The following AKAP7 variants were observed in gnomAD, a reference collection of about 807,000 sequenced individuals.
AKAP7 encodes the protein A-kinase anchoring protein 7.
In AKAP7, 39 loss-of-function variants were observed where a neutral mutation model predicts 39.5. That is an observed-to-expected ratio of 0.99 (90% CI 0.76 to 1.29). The LOEUF is 1.29. AKAP7 is among the 50% of genes most tolerant of loss of function. The probability of loss-of-function intolerance (pLI) is 0.00; values close to 1 mark genes in which losing one functional copy is unlikely to be tolerated. For missense variants in AKAP7, 414 were observed against 407.7 expected (o/e 1.02, Z -0.13); for synonymous variants, 140 against 139.1 (o/e 1.01, Z -0.05).
chr6:131,255,150 C>T (rs2128322005), intron 7 of AKAP7, among the ~76,000 whole-genome samples: 1 of 152,308 alleles, frequency 6.6e-6, no homozygotes, highest in South Asian at 2.1e-4. Context: ...GGTTACCTTT[C>T]ACATGTCTGC....
chr6:131,267,403 C>T (rs771605281), intron 7 of AKAP7, among the ~76,000 whole-genome samples: 2 of 152,168 alleles, frequency 1.3e-5, no homozygotes, highest in South Asian at 2.1e-4. Flanking sequence ...TTTTCTTTAG[C>T]GTTATACTTC....
At chr6:131,235,818 C>T (rs1811002789) in intron 7 of AKAP7, among the ~76,000 whole-genome samples, 1 of 152,096 alleles carries the variant, frequency 6.6e-6, no homozygotes, top group Non-Finnish European at 1.5e-5. Flanking sequence ...AGCCCTTTGT[C>T]AGATGAGTAG....
chr6:131,237,893 G>A (rs1713428989), intron 7 of AKAP7, among the ~76,000 whole-genome samples: 1 of 152,028 alleles, frequency 6.6e-6, no homozygotes, highest in Non-Finnish European at 1.5e-5. Context: ...GGGTTTTTGT[G>A]TCTCTATTTC....
rs549556992 is a variant in AKAP7, at chr6:131,205,253, G to A, written c.702+5680G>A. 2.0e-5 allele frequency among the ~76,000 whole-genome samples: 3 copies of A among 152,154 alleles called. 1 individual carries two copies. In the Middle Eastern group the frequency reaches 0.01, roughly 518 times the overall value. On this transcript the variant is annotated intron_variant, in intron 6 of 7. Coordinates refer to ENST00000431975, the MANE Select transcript of AKAP7 (RefSeq NM_016377.4). ...AGTAACCTGAAAAGCTGTTACCCATGTCAACTTAAAAAATTAGATTCAAAG... is the reference window on the plus strand; with the variant it reads ...AGTAACCTGAAAAGCTGTTACCCATATCAACTTAAAAAATTAGATTCAAAG...
intron 7 of AKAP7, among the ~76,000 whole-genome samples, chr6:131,243,726 T>C (rs76566048): frequency 0.023 from 3,455 of 152,306 alleles, 108 homozygotes; most frequent in African/African-American, 0.071. Flanking sequence ...GCATTCCACA[T>C]AAAGAATAAT....
chr6:131,212,730 T>C (rs1808789087), intron 6 of AKAP7, among the ~76,000 whole-genome samples: 1 of 152,040 alleles, frequency 6.6e-6, no homozygotes. Flanking sequence ...TTAAGTAAGG[T>C]ATCCTATTGA....
chr6:131,137,299 C>CA (rs905616161), intron 1 of AKAP7: 5 of 152,038 alleles, frequency 3.3e-5, no homozygotes, highest in Admixed American at 2.6e-4. Flanking sequence ...ACTTACTTCA[C>CA]AAAATTGAGT....
At chr6:131,151,939 A>C (rs938082942) in intron 2 of AKAP7, among the ~76,000 whole-genome samples, 7 of 152,234 alleles carry the variant, frequency 4.6e-5, no homozygotes, top group Non-Finnish European at 7.3e-5. Context: ...TAACGGATGG[A>C]TGACTTAATT....
chr6:131,247,191 T>C (rs1202076928), intron 7 of AKAP7, among the ~76,000 whole-genome samples: 1 of 148,958 alleles, frequency 6.7e-6, no homozygotes, highest in Non-Finnish European at 1.5e-5. Flanking sequence ...ACTTAATGCT[T>C]ATGAAAAAGC....
chr6:131,235,999 T>C (rs998214762), intron 7 of AKAP7, among the ~76,000 whole-genome samples: 3 of 152,226 alleles, frequency 2.0e-5, no homozygotes, highest in African/African-American at 7.2e-5. Context: ...TCCTGAATGG[T>C]ATTGCCTACG....
intron 4 of AKAP7, among the ~76,000 whole-genome samples, chr6:131,165,516 A>G (rs1803392478): frequency 1.3e-5 from 2 of 152,224 alleles, no homozygotes; most frequent in Admixed American, 1.3e-4. Context: ...ATATTCTGGA[A>G]TCATGGCAAA....
chr6:131,191,783 A>G (rs1459849800), intron 5 of AKAP7, among the ~76,000 whole-genome samples: 1 of 151,142 alleles, frequency 6.6e-6, no homozygotes, highest in African/African-American at 2.4e-5. Flanking sequence ...AGCACTTTGG[A>G]CAGTGCCTGT....
intron 5 of AKAP7, among the ~76,000 whole-genome samples, chr6:131,172,131 G>A (rs1001138414): frequency 6.6e-6 from 1 of 152,130 alleles, no homozygotes; most frequent in Non-Finnish European, 1.5e-5. Flanking sequence ...AAATTATTAG[G>A]TTGCATAGGA....
chr6:131,180,834 GTT>G (rs59511934), intron 5 of AKAP7, among the ~76,000 whole-genome samples: 51 of 111,066 alleles, frequency 4.6e-4, no homozygotes, highest in African/African-American at 1.1e-3. Flanking sequence ...TGTTTGTTTT[GTT>G]TTTTTTTTTT....
At chr6:131,206,053 A>C (rs531123328) in intron 6 of AKAP7, among the ~76,000 whole-genome samples, 2 of 152,352 alleles carry the variant, frequency 1.3e-5, no homozygotes, top group African/African-American at 4.8e-5. Flanking sequence ...TTGGTTAGAA[A>C]TATGTGCTAA....
intron 1 of AKAP7, among the ~76,000 whole-genome samples, chr6:131,138,692 G>A (rs1800780662): frequency 1.3e-5 from 2 of 152,186 alleles, no homozygotes; most frequent in Non-Finnish European, 2.9e-5. Context: ...CCAGCCCCAA[G>A]ACCCACTAGT....
In AKAP7 at chr6:131,282,606, C is replaced by T. The variant is rs772092418; in HGVS notation, c.*880C>T. The T allele has an allele frequency of 6.5e-7, 1 of 1,530,098 alleles. No individual in the cohort carries two copies. Among genetic ancestry groups the T allele is most frequent in the South Asian group, 1.2e-5 (1 of 83,674 alleles). 94.8% of individuals were successfully genotyped at this position (1,530,098 alleles called of 1,614,324 possible). On this transcript the variant is annotated 3_prime_UTR_variant, in exon 8 of 8. Transcript: ENST00000431975. ...GATTTCAGCACAACTTTGACATAAG[C>T]TCTACATTGCGATTGTGACAACATA... is the stretch of plus-strand genomic sequence containing the variant.
intron 2 of AKAP7, among the ~76,000 whole-genome samples, chr6:131,157,527 A>G (rs1802528359): frequency 6.6e-6 from 1 of 152,218 alleles, no homozygotes; most frequent in African/African-American, 2.4e-5. Flanking sequence ...TAGTATATTC[A>G]TATTACTGCA....
chr6:131,155,959 T>C (rs547454440), intron 2 of AKAP7, among the ~76,000 whole-genome samples: 14 of 152,182 alleles, frequency 9.2e-5, no homozygotes, highest in Non-Finnish European at 1.9e-4. Flanking sequence ...CTCCAAGGAT[T>C]AGTAAGATTT....
Sources: gnomAD v4.1 joint callset for allele counts (sites outside exome capture counted in the v4.1 genomes callset) on GRCh38, gnomAD v4.1.1 for gene constraint, MANE v1.5 for transcripts, NCBI Gene and HGNC (gene_info 2026-07-23, HGNC 2026-07-21) for gene names.